The following PALLD variants were observed in gnomAD, a reference collection of about 807,000 sequenced individuals.
PALLD encodes the protein palladin.
In PALLD, 61 loss-of-function variants were observed where a neutral mutation model predicts 123.5. The ratio of observed to expected loss-of-function variants is 0.49; its 90% confidence interval spans 0.40 to 0.61. PALLD has a LOEUF of 0.61. PALLD is among the 20% of genes least tolerant of loss of function. PALLD has a pLI of 0.00. For synonymous variants in PALLD, 465 were observed against 496.4 expected (o/e 0.94, Z 0.84); for missense variants, 1,273 against 1,377.0 (o/e 0.92, Z 1.20).
chr4:168,799,275 T>C (rs775743805), intron 10 of PALLD, among the ~76,000 whole-genome samples: 3 of 152,154 alleles, frequency 2.0e-5, no homozygotes, highest in Non-Finnish European at 4.4e-5. Flanking sequence ...TTGCAATTCA[T>C]CCACAAGGAC....
intron 2 of PALLD, among the ~76,000 whole-genome samples, chr4:168,516,830 C>A (rs1015907534): frequency 6.6e-6 from 1 of 152,238 alleles, no homozygotes; most frequent in Non-Finnish European, 1.5e-5. Context: ...GGTAGCCTGG[C>A]AATTTCCAGT....
rs566398128 is a variant in PALLD, at chr4:168,899,654, C to T, written c.2472+940C>T. ...TTTATTGGCCAAGCATGGTGGCTCA[C>T]GCCTGTAATCCCAGCATTTTGCGAG... On this transcript the variant is annotated intron_variant, in intron 14 of 21. Coordinates refer to ENST00000505667, the MANE Select transcript of PALLD (RefSeq NM_001166108.2). 2.8e-4 allele frequency among the ~76,000 whole-genome samples: 43 copies of T among 152,234 alleles called. No individual in the cohort carries two copies. The South Asian group carries it at 7.1e-3, about 25-fold the overall frequency.
chr4:168,798,620 G>A (rs553917284), intron 10 of PALLD, among the ~76,000 whole-genome samples: 6 of 152,290 alleles, frequency 3.9e-5, no homozygotes, highest in African/African-American at 1.4e-4. Flanking sequence ...TAACCTACCT[G>A]TGTAGAAATA....
intron 2 of PALLD, among the ~76,000 whole-genome samples, chr4:168,658,792 T>G (rs988395077): frequency 6.6e-6 from 1 of 152,232 alleles, no homozygotes. Flanking sequence ...TTGCTAGACA[T>G]GAATCTGGTT....
intron 10 of PALLD, among the ~76,000 whole-genome samples, chr4:168,810,132 G>A (rs777628513): frequency 2.8e-4 from 43 of 151,872 alleles, no homozygotes; most frequent in Non-Finnish European, 4.9e-4. Flanking sequence ...TAATTTGAGA[G>A]GAAGAAGCAA....
chr4:168,573,731 A>G (rs1205996874), intron 2 of PALLD, among the ~76,000 whole-genome samples: 1 of 152,094 alleles, frequency 6.6e-6, no homozygotes, highest in Non-Finnish European at 1.5e-5. Context: ...CCTCTTTCCT[A>G]TGGTCTGTTC....
chr4:168,812,961 C>T (rs1741378832), intron 10 of PALLD, among the ~76,000 whole-genome samples: 1 of 151,314 alleles, frequency 6.6e-6, no homozygotes, highest in African/African-American at 2.4e-5. Flanking sequence ...AGCGAGATCC[C>T]AGGCTGTTTG....
intron 10 of PALLD, among the ~76,000 whole-genome samples, chr4:168,793,143 ATATG>A (rs1480850783): frequency 3.9e-5 from 5 of 127,086 alleles, no homozygotes; most frequent in Non-Finnish European, 8.0e-5. Flanking sequence ...ATATACATAT[ATATG>A]TGTGCATATA....
rs778884218 is a variant in PALLD at position 168,921,674 on chromosome 4, C to T, written c.2991C>T (p.Gly997=). 1.2e-6 allele frequency: 2 copies of T among 1,609,894 alleles called. No individual in the cohort carries two copies. The highest frequency in any genetic ancestry group is 8.5e-7 in the Non-Finnish European group (1 of 1,179,166). Reference sequence around the variant, plus strand: ...AGCCAGTCACGTCACGTGATGCCGGCATCTACACATGTATAGCTACCAACC... The same window carrying T: ...AGCCAGTCACGTCACGTGATGCCGGTATCTACACATGTATAGCTACCAACC... ...IIEPVTSRDA[G]IYTCIATNRA... is the part of the protein sequence containing the mutation. The change falls in exon 18 of 22, where the codon GGC becomes GGT. Residue 997 remains glycine (G), a synonymous_variant. Coordinates refer to ENST00000505667, the MANE Select transcript of PALLD (RefSeq NM_001166108.2).
At chr4:168,519,660 A>G (rs1763339106) in intron 2 of PALLD, among the ~76,000 whole-genome samples, 1 of 135,770 alleles carries the variant, frequency 7.4e-6, no homozygotes. Context: ...GTTTTTAAGG[A>G]AAAAGTCTGC....
intron 10 of PALLD, among the ~76,000 whole-genome samples, chr4:168,806,929 T>G (rs1254082459): frequency 6.6e-6 from 1 of 152,126 alleles, no homozygotes; most frequent in African/African-American, 2.4e-5. Context: ...TTTACACACA[T>G]ACATATATGT....
In PALLD at chr4:168,926,566, T is replaced by C. The variant is rs575876255; in HGVS notation, c.*386T>C. 3.0e-5 allele frequency: 16 copies of C among 541,600 alleles called. No homozygotes were observed. In the South Asian group the frequency reaches 4.4e-4, roughly 15 times the overall value. 33.5% of individuals were successfully genotyped at this position (541,600 alleles called of 1,614,324 possible). On this transcript the variant is annotated 3_prime_UTR_variant, in exon 22 of 22. Coordinates refer to ENST00000505667, the MANE Select transcript of PALLD (RefSeq NM_001166108.2). ...ACTTAGTTTAAGTAGATAATGCTAA[T>C]ACAAATATACACATTGCACAGAAAA...
chr4:168,520,915 C>T (rs1033214791), intron 2 of PALLD, among the ~76,000 whole-genome samples: 11 of 152,164 alleles, frequency 7.2e-5, no homozygotes, highest in African/African-American at 4.8e-5. Flanking sequence ...TTGGTTATGA[C>T]AGTCATTGGT....
chr4:168,639,814 G>A (rs1049033903), intron 2 of PALLD, among the ~76,000 whole-genome samples: 44 of 152,266 alleles, frequency 2.9e-4, no homozygotes, highest in Non-Finnish European at 4.6e-4. Flanking sequence ...AAAGTGCTGG[G>A]ATTATAGGCG....
chr4:168,873,455 A>T (rs909177052), intron 10 of PALLD, among the ~76,000 whole-genome samples: 2 of 152,216 alleles, frequency 1.3e-5, no homozygotes, highest in African/African-American at 4.8e-5. Flanking sequence ...TTTTCTAGAC[A>T]ATTACGAATA....
chr4:168,830,314 C>T (rs1051921107), intron 10 of PALLD, among the ~76,000 whole-genome samples: 4 of 150,026 alleles, frequency 2.7e-5, no homozygotes, highest in Non-Finnish European at 5.9e-5. Context: ...CACTTGAGAT[C>T]AGGAGTTTGA....
intron 15 of PALLD, among the ~76,000 whole-genome samples, chr4:168,909,156 A>G (rs986756385): frequency 6.6e-6 from 1 of 152,204 alleles, no homozygotes; most frequent in Non-Finnish European, 1.5e-5. Context: ...CTCTAATCCT[A>G]TCTTTAAGAA....
chr4:168,799,363 C>G (rs1357541949), intron 10 of PALLD, among the ~76,000 whole-genome samples: 1 of 152,166 alleles, frequency 6.6e-6, no homozygotes, highest in Non-Finnish European at 1.5e-5. Context: ...AACCCTTGTT[C>G]TTTGCTTTGT....
chr4:168,561,740 T>C (rs1767888898), intron 2 of PALLD, among the ~76,000 whole-genome samples: 1 of 152,202 alleles, frequency 6.6e-6, no homozygotes, highest in South Asian at 2.1e-4. Flanking sequence ...AAAGAGGATT[T>C]CCAAAGCTTA....
Sources: gnomAD v4.1 joint callset for allele counts (sites outside exome capture counted in the v4.1 genomes callset) on GRCh38, gnomAD v4.1.1 for gene constraint, MANE v1.5 for transcripts, NCBI Gene and HGNC (gene_info 2026-07-23, HGNC 2026-07-21) for gene names.